The following PARPBP variants were observed in gnomAD, a reference collection of about 807,000 sequenced individuals.
The protein encoded by PARPBP is PARP1 binding protein, also known as PCNA-interacting partner.
In PARPBP, 52 loss-of-function variants were observed where a neutral mutation model predicts 50.0. That is an observed-to-expected ratio of 1.04 (90% CI 0.83 to 1.31). PARPBP has a LOEUF of 1.31. Ranked by LOEUF, PARPBP falls within the 50% of genes most tolerant of loss-of-function variation. The pLI is 0.00. For synonymous variants in PARPBP, 244 were observed against 232.1 expected, an observed-to-expected ratio of 1.05 and a Z score of -0.47; for missense variants, 697 against 672.0, an observed-to-expected ratio of 1.04 and a Z score of -0.41.
At chr12:102,143,366 T>C (rs938409906) in intron 2 of PARPBP, among the ~76,000 whole-genome samples, 13 of 152,196 alleles carry the variant, frequency 8.5e-5, no homozygotes, top group African/African-American at 3.1e-4. Context: ...GTGTCCCGAT[T>C]TTCCAGGTAC....
intron 2 of PARPBP, 102 bp downstream of exon 2, chr12:102,124,143 A>C (rs1045610134): frequency 1.3e-6 from 1 of 780,264 alleles, no homozygotes; most frequent in Non-Finnish European, 2.1e-6. Context: ...TCTTTACATT[A>C]TGTGCCCTTC....
intron 6 of PARPBP, among the ~76,000 whole-genome samples, chr12:102,171,544 TCTC>T (rs1218869800): frequency 2.6e-5 from 4 of 152,112 alleles, no homozygotes; most frequent in Admixed American, 1.3e-4. Flanking sequence ...TTCAGTCTAA[TCTC>T]CTAATGTTAA....
At chr12:102,157,345 A>G (rs1887064462) in intron 4 of PARPBP, among the ~76,000 whole-genome samples, 1 of 152,160 alleles carries the variant, frequency 6.6e-6, no homozygotes, top group African/African-American at 2.4e-5. Flanking sequence ...TTAAATAAGT[A>G]TTTTAAAATA....
chr12:102,196,553 T>G lies in PARPBP; in HGVS notation c.*262T>G. ...CACTACTTTCTTTTAAAACAGACAT[T>G]TAACATACACAAGTTATAGTAGCAG... On this transcript the variant is annotated 3_prime_UTR_variant, in exon 11 of 11. Transcript: ENST00000327680. 1 of 889,676 alleles carries G rather than the reference T, an allele frequency of 1.1e-6. No individual in the cohort carries two copies. Among genetic ancestry groups the G allele is most frequent in the East Asian group, 2.4e-5 (1 of 41,596 alleles). 55.1% of individuals were successfully genotyped at this position (889,676 alleles called of 1,614,324 possible). A position where few individuals can be genotyped will look rare whatever the true frequency, so the allele number is the denominator to read the frequency against.
intron 9 of PARPBP, among the ~76,000 whole-genome samples, chr12:102,184,728 CTT>C (rs1423482880): frequency 6.6e-6 from 1 of 152,074 alleles, no homozygotes; most frequent in Non-Finnish European, 1.5e-5. Flanking sequence ...TTGCGATACT[CTT>C]TTTAAAAGTG....
intron 6 of PARPBP, among the ~76,000 whole-genome samples, chr12:102,171,839 A>G (rs1269664866): frequency 3.3e-5 from 5 of 151,872 alleles, no homozygotes; most frequent in African/African-American, 1.2e-4. Flanking sequence ...ACTGCTGTCC[A>G]GCCTGGGCAA....
intron 6 of PARPBP, among the ~76,000 whole-genome samples, chr12:102,166,938 C>G (rs1888197825): frequency 6.6e-6 from 1 of 152,096 alleles, no homozygotes; most frequent in African/African-American, 2.4e-5. Flanking sequence ...GGAGCCATTT[C>G]TATTGAAATA....
At chr12:102,151,615 T>C (rs2138903165) in intron 3 of PARPBP, 1 of 1,535,694 alleles carries the variant, frequency 6.5e-7, no homozygotes, top group South Asian at 1.2e-5. Context: ...CTTGCTGCTG[T>C]CTAGGCCAGA....
intron 2 of PARPBP, among the ~76,000 whole-genome samples, chr12:102,137,399 A>G (rs6539026): frequency 0.043 from 6,598 of 152,284 alleles, 199 homozygotes; most frequent in South Asian, 0.077. Flanking sequence ...AGTGGGAGAA[A>G]AGAAAAGACA....
intron 4 of PARPBP, 57 bp downstream of exon 4, chr12:102,154,033 A>G: frequency 9.6e-7 from 1 of 1,042,820 alleles, no homozygotes; most frequent in South Asian, 1.3e-5. Context: ...AAATCACTGA[A>G]TTTGGTGGTA....
At chr12:102,138,298 A>T (rs563282070) in intron 2 of PARPBP, among the ~76,000 whole-genome samples, 1 of 152,266 alleles carries the variant, frequency 6.6e-6, no homozygotes, top group East Asian at 1.9e-4. Flanking sequence ...GTGCATAAAT[A>T]TCTTCTTTTG....
chr12:102,182,710 T>A lies in PARPBP; in HGVS notation c.1263+83T>A, dbSNP rs1889947992. 6.9e-6 allele frequency: 6 copies of A among 867,006 alleles called. 1 individual carries two copies. In the South Asian group the frequency reaches 9.0e-5, roughly 13 times the overall value. 53.7% of individuals were successfully genotyped at this position (867,006 alleles called of 1,614,324 possible). A position where few individuals can be genotyped will look rare whatever the true frequency, so the allele number is the denominator to read the frequency against. ...AAATACATGAAGCTGAGCTGGGTATTGTAAATATTGTAAACATTGTACATG... is the reference window on the plus strand; with the variant it reads ...AAATACATGAAGCTGAGCTGGGTATAGTAAATATTGTAAACATTGTACATG... On this transcript the variant is annotated intron_variant, in intron 9 of 10. Coordinates refer to ENST00000327680, the MANE Select transcript of PARPBP (RefSeq NM_017915.5).
chr12:102,136,466 A>G (rs1883646249), intron 2 of PARPBP, among the ~76,000 whole-genome samples: 1 of 152,256 alleles, frequency 6.6e-6, no homozygotes, highest in Admixed American at 6.5e-5. Flanking sequence ...ATATACCCTG[A>G]AAAACATTTA....
At chr12:102,174,340 T>C (rs1156950901) in intron 6 of PARPBP, among the ~76,000 whole-genome samples, 1 of 152,212 alleles carries the variant, frequency 6.6e-6, no homozygotes, top group Non-Finnish European at 1.5e-5. Flanking sequence ...ACTAAGTCTC[T>C]CTGCAATTTT....
chr12:102,155,129 G>C (rs1445307775), intron 4 of PARPBP: 1 of 196,942 alleles, frequency 5.1e-6, no homozygotes, highest in Non-Finnish European at 1.1e-5. Context: ...CACATGTACT[G>C]ATTGATGTCT....
At chr12:102,188,916 TTAG>T (rs1890548539) in intron 9 of PARPBP, among the ~76,000 whole-genome samples, 1 of 152,100 alleles carries the variant, frequency 6.6e-6, no homozygotes, top group South Asian at 2.1e-4. Flanking sequence ...TTAGATGTGG[TTAG>T]TAGAAGACCA....
At chr12:102,176,004 C>T (rs560907897) in intron 7 of PARPBP, among the ~76,000 whole-genome samples, 10 of 146,366 alleles carry the variant, frequency 6.8e-5, no homozygotes, top group African/African-American at 2.0e-4. Flanking sequence ...TTTTTTGAGA[C>T]GGAGTTTCAC....
intron 8 of PARPBP, among the ~76,000 whole-genome samples, chr12:102,179,537 T>A (rs1297233759): frequency 6.6e-6 from 1 of 152,136 alleles, no homozygotes; most frequent in Non-Finnish European, 1.5e-5. Context: ...ATAACTGCCT[T>A]TTTGCTGTGT....
At chr12:102,140,433 A>G (rs1884389079) in intron 2 of PARPBP, among the ~76,000 whole-genome samples, 1 of 152,172 alleles carries the variant, frequency 6.6e-6, no homozygotes, top group Non-Finnish European at 1.5e-5. Flanking sequence ...TCAAAAAAAC[A>G]GCTCCTGGGT....
Sources: gnomAD v4.1 joint callset for allele counts (sites outside exome capture counted in the v4.1 genomes callset) on GRCh38, gnomAD v4.1.1 for gene constraint, MANE v1.5 for transcripts, NCBI Gene and HGNC (gene_info 2026-07-23, HGNC 2026-07-21) for gene names.